CECR2: variants seen among roughly 807,000 people sequenced by gnomAD.
The protein encoded by CECR2 is CECR2 histone acetyl-lysine reader.
Under a neutral mutation model 154.5 loss-of-function variants are expected in CECR2, and 30 were observed. The observed-to-expected ratio is 0.19, with a 90% CI of 0.15 to 0.26. The LOEUF (loss-of-function observed/expected upper bound fraction) is 0.26. Among genes scored for constraint, CECR2 ranks in the 10% least tolerant of loss-of-function variants. The probability of loss-of-function intolerance (pLI) is 1.00; values close to 1 mark genes in which losing one functional copy is unlikely to be tolerated. For missense variants in CECR2, 1,743 were observed against 1,829.3 expected, an observed-to-expected ratio of 0.95 and a Z score of 0.86; for synonymous variants, 725 against 683.7, an observed-to-expected ratio of 1.06 and a Z score of -0.94.
intron 1 of CECR2, among the ~76,000 whole-genome samples, chr22:17,362,542 T>A (rs2062982122): frequency 7.8e-6 from 1 of 127,696 alleles, no homozygotes; most frequent in Non-Finnish European, 1.8e-5. Context: ...AAAATAATTT[T>A]TTAGTTCATT....
intron 8 of CECR2, among the ~76,000 whole-genome samples, chr22:17,515,200 T>C (rs545839185): frequency 8.6e-5 from 13 of 151,590 alleles, no homozygotes; most frequent in Non-Finnish European, 1.8e-4. Flanking sequence ...CCCAGAGAAA[T>C]GTGAGGCAGA....
At chr22:17,521,925 TG>T (rs1486335937) in intron 8 of CECR2, among the ~76,000 whole-genome samples, 1 of 152,256 alleles carries the variant, frequency 6.6e-6, no homozygotes, top group African/African-American at 2.4e-5. Flanking sequence ...AATTAATTTT[TG>T]TATAAGGTAT....
chr22:17,552,787 T>TTTTTTA lies in CECR2; in HGVS notation c.4390-48_4390-47insTTTTTA, dbSNP rs869194450. Reference sequence around the variant, plus strand: ...TGGCTTACTTAAGTTTTTTTTTTTTTAACAACCCAATTTTTATTTTTGTTT... The same window carrying TTTTTTA: ...TGGCTTACTTAAGTTTTTTTTTTTTTTTTTTAAACAACCCAATTTTTATTTTTGTTT... On this transcript the variant is annotated intron_variant, in intron 18 of 18. Transcript: ENST00000262608. 6 of 1,391,190 alleles carry TTTTTTA rather than the reference T, an allele frequency of 4.3e-6. No individual in the cohort carries two copies. In the East Asian group the frequency reaches 1.2e-4, roughly 29 times the overall value. The allele number at this position is 1,391,190 out of a possible 1,614,324, so 86.2% of individuals were successfully genotyped here.
chr22:17,540,204 C>T (rs2056500152), intron 13 of CECR2, among the ~76,000 whole-genome samples: 1 of 151,958 alleles, frequency 6.6e-6, no homozygotes, highest in Non-Finnish European at 1.5e-5. Flanking sequence ...ATAGAAACCA[C>T]GTCTTCTTCA....
intron 1 of CECR2, among the ~76,000 whole-genome samples, chr22:17,443,478 A>G (rs1601365705): frequency 6.6e-6 from 1 of 152,300 alleles, no homozygotes; most frequent in East Asian, 1.9e-4. Flanking sequence ...GATGGTGGAA[A>G]GGCACCAGCA....
chr22:17,511,085 C>A (rs1237161478), intron 7 of CECR2, among the ~76,000 whole-genome samples: 1 of 152,138 alleles, frequency 6.6e-6, no homozygotes, highest in African/African-American at 2.4e-5. Flanking sequence ...GCGGAAGTCA[C>A]GGAAGTTATG....
chr22:17,441,100 C>T (rs2146666796), intron 1 of CECR2, among the ~76,000 whole-genome samples: 1 of 152,122 alleles, frequency 6.6e-6, no homozygotes, highest in East Asian at 1.9e-4. Flanking sequence ...AGGTGCATGC[C>T]ACCACGCCCG....
intron 1 of CECR2, among the ~76,000 whole-genome samples, chr22:17,437,489 T>G (rs902502822): frequency 2.0e-5 from 3 of 152,138 alleles, no homozygotes; most frequent in African/African-American, 7.2e-5. Context: ...TCCAGCTTAT[T>G]GGAACTCACA....
rs182544914 is a variant in CECR2 at position 17,433,146 on chromosome 22, C to T, written c.127-44442C>T. ...GGAGAGTTAATTCTTTGAACTGATA[C>T]GAACAATATCACTTTCTGGTTAAAG... On this transcript the variant is annotated intron_variant, in intron 1 of 18. Coordinates refer to ENST00000262608, the MANE Select transcript of CECR2 (RefSeq NM_001290047.2). Among the ~76,000 whole-genome samples the T allele has an allele frequency of 7.5e-3, 1,134 of 152,194 alleles. 14 individuals carry two copies. The highest frequency in any genetic ancestry group is 0.026 in the African/African-American group (1,067 of 41,520).
chr22:17,370,942 C>T lies in CECR2; in HGVS notation c.126+1033C>T, dbSNP rs150960722. Among the ~76,000 whole-genome samples the T allele has an allele frequency of 3.6e-3, 542 of 152,314 alleles. 4 individuals are homozygous for T. Among genetic ancestry groups the T allele is most frequent in the East Asian group, 0.023 (119 of 5,184 alleles). ...TTTGGACAAAGGTGAATGGCAACTG[C>T]GTTGGTCAGTTTTTGTTTTCTGTTC... On this transcript the variant is annotated intron_variant, in intron 1 of 18. Coordinates refer to ENST00000262608, the MANE Select transcript of CECR2 (RefSeq NM_001290047.2).
intron 1 of CECR2, among the ~76,000 whole-genome samples, chr22:17,396,066 C>T (rs1297880081): frequency 6.7e-6 from 1 of 150,072 alleles, no homozygotes; most frequent in African/African-American, 2.5e-5. Flanking sequence ...ATATCGAGAC[C>T]TCGTCTCTAC....
At chr22:17,499,285 A>T (rs1190916059) in intron 3 of CECR2, 125 bp from the exon 4 acceptor site, 4 of 1,205,932 alleles carry the variant, frequency 3.3e-6, no homozygotes, top group Non-Finnish European at 4.6e-6. Context: ...CACCACGCCC[A>T]GCGATACTTG....
intron 2 of CECR2, among the ~76,000 whole-genome samples, chr22:17,480,457 C>CAG (rs1389702346): frequency 8.8e-4 from 97 of 110,184 alleles, no homozygotes; most frequent in Admixed American, 1.7e-3. Context: ...CACACACACA[C>CAG]ACAGAGAAAA....
Position 17,479,997 on chromosome 22 carries a change from C to T in CECR2, c.221+2315C>T, listed in dbSNP as rs184975634. Among the ~76,000 whole-genome samples the T allele has an allele frequency of 5.9e-4, 89 of 152,010 alleles. No individual in the cohort carries two copies. In the East Asian group the frequency reaches 0.011, roughly 18 times the overall value. On this transcript the variant is annotated intron_variant, in intron 2 of 18. Coordinates refer to ENST00000262608, the MANE Select transcript of CECR2 (RefSeq NM_001290047.2). ...CTGGTCTTGAACTCCTGGTCTCAAG[C>T]GATCCTGCTGCCTTGGCCTCTCAAA...
intron 17 of CECR2, among the ~76,000 whole-genome samples, chr22:17,551,724 G>A (rs1041158306): frequency 6.6e-6 from 1 of 151,550 alleles, no homozygotes; most frequent in Non-Finnish European, 1.5e-5. Context: ...CTTGAGCCCA[G>A]AAGATTGAGG....
intron 8 of CECR2, among the ~76,000 whole-genome samples, chr22:17,523,055 G>A (rs1392177056): frequency 1.3e-5 from 2 of 151,912 alleles, no homozygotes; most frequent in Admixed American, 1.3e-4. Flanking sequence ...TCTAAATTTG[G>A]AGTCAAATGA....
chr22:17,529,371 G>A (rs950219728), intron 9 of CECR2, among the ~76,000 whole-genome samples: 3 of 152,120 alleles, frequency 2.0e-5, no homozygotes, highest in African/African-American at 7.2e-5. Flanking sequence ...AGGTAGCCCA[G>A]GGTCGCATTG....
At chr22:17,444,466 A>C (rs1413836627) in intron 1 of CECR2, among the ~76,000 whole-genome samples, 1 of 152,094 alleles carries the variant, frequency 6.6e-6, no homozygotes, top group Non-Finnish European at 1.5e-5. Flanking sequence ...ATTTCTACTA[A>C]AGATACACAA....
Position 17,409,108 on chromosome 22 carries a change from ATGT to A in CECR2, c.126+39207_126+39209del, listed in dbSNP as rs542556236. On this transcript the variant is annotated intron_variant, in intron 1 of 18. Transcript: ENST00000262608. ...GCTTGTTCTGTTTTATTAATTTTAA[ATGT>A]TGTTGTTTTCTTGTTTTTTTTTGTT... is the stretch of plus-strand genomic sequence containing the variant. Among the ~76,000 whole-genome samples, 950 of 151,548 alleles carry A rather than the reference ATGT, an allele frequency of 6.3e-3. 11 individuals are homozygous for A. Among genetic ancestry groups the A allele is most frequent in the South Asian group, 0.029 (140 of 4,804 alleles).
Sources: allele counts gnomAD v4.1 joint callset (sites outside exome capture counted in the v4.1 genomes callset), GRCh38; gene constraint gnomAD v4.1.1; transcripts MANE v1.5; gene names NCBI Gene and HGNC (gene_info 2026-07-23, HGNC 2026-07-21).